Variants in ZFAND3 observed in about 807,000 individuals in gnomAD.
The protein encoded by ZFAND3 is AN1-type zinc finger protein 3.
In ZFAND3, 10 loss-of-function variants were observed where a neutral mutation model predicts 29.6. That is an observed-to-expected ratio of 0.34 (90% CI 0.21 to 0.57). The LOEUF (loss-of-function observed/expected upper bound fraction) is 0.57, where lower values mean the gene tolerates loss of function less well. Ranked by LOEUF, ZFAND3 falls within the 20% of genes least tolerant of loss-of-function variation. ZFAND3 has a pLI of 0.86. For missense variants in ZFAND3, 230 were observed against 304.5 expected (o/e 0.76, Z 1.82); for synonymous variants, 128 against 112.6 (o/e 1.14, Z -0.87).
At chr6:38,049,912 C>T (rs1358769234) in intron 2 of ZFAND3, among the ~76,000 whole-genome samples, 1 of 135,932 alleles carries the variant, frequency 7.4e-6, no homozygotes, top group Admixed American at 7.4e-5. Context: ...ACACCCACCC[C>T]GTCTTCATTC....
At chr6:37,852,594 C>G (rs1581709082) in intron 1 of ZFAND3, among the ~76,000 whole-genome samples, 1 of 152,184 alleles carries the variant, frequency 6.6e-6, no homozygotes, top group East Asian at 1.9e-4. Context: ...GTATTTCTGC[C>G]ACCTCTTATA....
intron 1 of ZFAND3, among the ~76,000 whole-genome samples, chr6:37,909,290 T>TC (rs1408704402): frequency 6.3e-5 from 9 of 142,272 alleles, no homozygotes; most frequent in Non-Finnish European, 1.2e-4. Context: ...TTTTTTTTTT[T>TC]CTTTTTTGAG....
intron 2 of ZFAND3, among the ~76,000 whole-genome samples, chr6:37,932,638 ACTC>A (rs1761621076): frequency 6.6e-6 from 1 of 152,136 alleles, no homozygotes; most frequent in Admixed American, 6.6e-5. Context: ...CACATCAAAT[ACTC>A]CTGAGGAACT....
At chr6:37,962,921 A>G (rs1458525453) in intron 2 of ZFAND3, among the ~76,000 whole-genome samples, 1 of 152,196 alleles carries the variant, frequency 6.6e-6, no homozygotes, top group Non-Finnish European at 1.5e-5. Context: ...CGAGACCACG[A>G]ACCCACTGGG....
intron 2 of ZFAND3, among the ~76,000 whole-genome samples, chr6:37,972,994 C>A (rs1219532859): frequency 1.3e-5 from 2 of 152,064 alleles, no homozygotes; most frequent in Non-Finnish European, 2.9e-5. Flanking sequence ...TTTGCACTTA[C>A]TGAGTTTTTG....
chr6:37,903,804 C>T (rs964047239), intron 1 of ZFAND3, among the ~76,000 whole-genome samples: 9 of 152,164 alleles, frequency 5.9e-5, no homozygotes, highest in Admixed American at 1.3e-4. Flanking sequence ...AATCTATCCT[C>T]TGTACCTTGT....
At chr6:37,980,594 T>C (rs1214288082) in intron 2 of ZFAND3, among the ~76,000 whole-genome samples, 3 of 152,212 alleles carry the variant, frequency 2.0e-5, no homozygotes, top group Admixed American at 2.0e-4. Context: ...AATTCTCTTC[T>C]TCCACCTCCT....
chr6:37,845,062 G>A (rs1355884198), intron 1 of ZFAND3, among the ~76,000 whole-genome samples: 1 of 151,158 alleles, frequency 6.6e-6, no homozygotes. Context: ...TCTCACAGTT[G>A]ATGGGCTCAG....
chr6:37,851,930 A>C (rs1581708621), intron 1 of ZFAND3, among the ~76,000 whole-genome samples: 3 of 152,230 alleles, frequency 2.0e-5, no homozygotes, highest in Admixed American at 2.0e-4. Context: ...TTAAAGGCAC[A>C]GAAACAATAG....
At chr6:38,101,982 C>A (rs188483886) in intron 4 of ZFAND3, among the ~76,000 whole-genome samples, 1 of 152,174 alleles carries the variant, frequency 6.6e-6, no homozygotes, top group Admixed American at 6.5e-5. Flanking sequence ...ACATTTCCCC[C>A]TTACATTAAA....
At chr6:37,973,624 T>C (rs1482976835) in intron 2 of ZFAND3, among the ~76,000 whole-genome samples, 1 of 152,244 alleles carries the variant, frequency 6.6e-6, no homozygotes, top group African/African-American at 2.4e-5. Flanking sequence ...TGTCTATTGC[T>C]TTCTGTATTA....
chr6:38,065,601 T>C (rs553223946), intron 3 of ZFAND3, among the ~76,000 whole-genome samples: 1 of 152,374 alleles, frequency 6.6e-6, no homozygotes, highest in East Asian at 1.9e-4. Context: ...TTATTATACT[T>C]GTTTTTACAG....
intron 2 of ZFAND3, among the ~76,000 whole-genome samples, chr6:37,991,644 CAG>C (rs769957196): frequency 9.2e-5 from 14 of 152,158 alleles, no homozygotes; most frequent in Non-Finnish European, 1.5e-4. Context: ...TTTTAATAAA[CAG>C]GGAAATTTCA....
At chr6:37,913,866 A>G (rs956667094) in intron 1 of ZFAND3, among the ~76,000 whole-genome samples, 10 of 151,688 alleles carry the variant, frequency 6.6e-5, no homozygotes, top group African/African-American at 2.4e-4. Flanking sequence ...ACAGGCCACC[A>G]TGCCTGGCTA....
intron 1 of ZFAND3, chr6:37,915,825 A>G (rs1761238889): frequency 6.6e-6 from 1 of 152,260 alleles, no homozygotes; most frequent in East Asian, 1.9e-4. Flanking sequence ...GCTGGAGTAC[A>G]GTAGCACGAT....
chr6:38,117,485 G>A (rs1281501586), intron 5 of ZFAND3, among the ~76,000 whole-genome samples: 1 of 152,028 alleles, frequency 6.6e-6, no homozygotes. Flanking sequence ...TTGACCACAT[G>A]TATCATGACA....
At chr6:37,858,960 G>A (rs984053337) in intron 1 of ZFAND3, among the ~76,000 whole-genome samples, 5 of 152,108 alleles carry the variant, frequency 3.3e-5, no homozygotes, top group African/African-American at 9.7e-5. Context: ...TGTGCATGTC[G>A]TACTTTCATG....
intron 1 of ZFAND3, among the ~76,000 whole-genome samples, chr6:37,857,875 CAGAT>C (rs1046755390): frequency 1.3e-5 from 2 of 152,130 alleles, no homozygotes; most frequent in Non-Finnish European, 2.9e-5. Flanking sequence ...TCAGTTGTAT[CAGAT>C]AGACCTTTTA....
Position 37,962,573 on chromosome 6 carries a change from G to A in ZFAND3, c.112+32574G>A, listed in dbSNP as rs184855592. On this transcript the variant is annotated intron_variant, in intron 2 of 5. Coordinates refer to ENST00000287218, the MANE Select transcript of ZFAND3 (RefSeq NM_021943.3). Reference sequence around the variant, plus strand: ...AAGGATTGTGAACACACCAATCAGCGCTCTGTGTCTAGCTAAAGGTTTGTA... The same window carrying A: ...AAGGATTGTGAACACACCAATCAGCACTCTGTGTCTAGCTAAAGGTTTGTA... Among the ~76,000 whole-genome samples the A allele has an allele frequency of 7.9e-5, 12 of 152,274 alleles. No homozygotes were observed. The South Asian group carries it at 1.5e-3, about 18-fold the overall frequency.
Sources: gnomAD v4.1 joint callset for allele counts (sites outside exome capture counted in the v4.1 genomes callset) on GRCh38, gnomAD v4.1.1 for gene constraint, MANE v1.5 for transcripts, NCBI Gene and HGNC (gene_info 2026-07-23, HGNC 2026-07-21) for gene names.